The following TRANK1 variants were observed in gnomAD, a reference collection of about 807,000 sequenced individuals.
The protein encoded by TRANK1 is tetratricopeptide repeat and ankyrin repeat containing 1, also known as TPR and ankyrin repeat-containing protein 1.
Under a neutral mutation model 266.0 loss-of-function variants are expected in TRANK1, and 198 were observed. The observed-to-expected ratio is 0.74, with a 90% CI of 0.66 to 0.84. TRANK1 has a LOEUF of 0.84. Ranked by LOEUF, TRANK1 falls within the 40% of genes least tolerant of loss-of-function variation. The pLI is 0.00. For synonymous variants in TRANK1, 1,396 were observed against 1,384.1 expected (o/e 1.01, Z -0.19); for missense variants, 3,326 against 3,634.6 (o/e 0.92, Z 2.18).
intron 2 of TRANK1, among the ~76,000 whole-genome samples, chr3:36,907,415 G>A (rs914523440): frequency 6.6e-6 from 1 of 150,742 alleles, no homozygotes; most frequent in East Asian, 1.9e-4. Flanking sequence ...CTCCCAAAGT[G>A]CTGGGATTAC....
At chr3:36,913,925 G>A (rs1320184831) in intron 1 of TRANK1, among the ~76,000 whole-genome samples, 1 of 152,006 alleles carries the variant, frequency 6.6e-6, no homozygotes, top group Non-Finnish European at 1.5e-5. Context: ...TCAACTTTAA[G>A]TTATTCCTCA....
Position 36,892,353 on chromosome 3 carries a change from A to AC in TRANK1, c.637-14_637-13insG, listed in dbSNP as rs1203537750. ...TGAAAACGTATTTCTGGGGAAAAAA[A>AC]ACACACAGGACAAATTATGGAAGTC... On this transcript the variant is annotated splice_polypyrimidine_tract_variant and intron_variant, in intron 6 of 23. Coordinates refer to ENST00000645898, the MANE Select transcript of TRANK1 (RefSeq NM_001329998.2). 5.2e-6 allele frequency: 8 copies of AC among 1,537,022 alleles called. No homozygotes were observed. The highest frequency in any genetic ancestry group is 7.0e-6 in the Non-Finnish European group (8 of 1,146,850).
chr3:36,849,896 A>C, intron 15 of TRANK1: 1 of 434,416 alleles, frequency 2.3e-6, no homozygotes, highest in Non-Finnish European at 3.1e-6. Flanking sequence ...CACAGGATGA[A>C]GTGGATGTTT....
At chr3:36,916,282 T>C (rs1441784263) in intron 1 of TRANK1, among the ~76,000 whole-genome samples, 1 of 152,172 alleles carries the variant, frequency 6.6e-6, no homozygotes, top group African/African-American at 2.4e-5. Flanking sequence ...AAGATCCAAT[T>C]TGGCCTGGCA....
chr3:36,942,011 C>A (rs1431651742), intron 1 of TRANK1, among the ~76,000 whole-genome samples: 4 of 152,194 alleles, frequency 2.6e-5, no homozygotes, highest in Non-Finnish European at 5.9e-5. Flanking sequence ...CACACCTCAA[C>A]CTCCACTTCA....
intron 22 of TRANK1, among the ~76,000 whole-genome samples, chr3:36,830,384 C>T (rs1193108560): frequency 6.6e-6 from 1 of 151,888 alleles, no homozygotes. Flanking sequence ...AAGGCTCACA[C>T]TGGGTATGAC....
In TRANK1 at chr3:36,857,416, T is replaced by G; in HGVS notation, c.2306A>C (p.Lys769Thr). The G allele has an allele frequency of 6.2e-7, 1 of 1,613,862 alleles. No homozygotes were observed. Among genetic ancestry groups the G allele is most frequent in the Non-Finnish European group, 8.5e-7 (1 of 1,179,810 alleles). Residue 769 changes from lysine to threonine, a missense_variant, in exon 13 of 24, where the codon AAG becomes ACG. Physicochemically the swap from Lys to Thr is moderately conservative, Grantham distance 78. Transcript: ENST00000645898. The surrounding 1 kb of genome is among the most constrained non-coding windows in gnomAD (Gnocchi z 4.3). ...PLEAGAGKEGKKDDKPTLGAG... is the reference protein window; with the variant it reads ...PLEAGAGKEGTKDDKPTLGAG... ...ACCCAGAGTCGGCTTGTCATCTTTC[T>G]TTCCTTCTTTGCCAGCTCCTGCCTC...
At chr3:36,877,639 T>C (rs1054853776) in intron 8 of TRANK1, among the ~76,000 whole-genome samples, 21 of 152,310 alleles carry the variant, frequency 1.4e-4, no homozygotes, top group African/African-American at 3.8e-4. Context: ...AGATACATTG[T>C]TCAGTGAAGA....
At chr3:36,909,704 A>C (rs1468617500) in intron 1 of TRANK1, among the ~76,000 whole-genome samples, 1 of 152,256 alleles carries the variant, frequency 6.6e-6, no homozygotes, top group African/African-American at 2.4e-5. Context: ...AACAGACCCA[A>C]GCACACATAA....
chr3:36,879,681 A>AAT (rs1471932090), intron 8 of TRANK1, among the ~76,000 whole-genome samples: 6 of 94,282 alleles, frequency 6.4e-5, no homozygotes, highest in African/African-American at 9.3e-5. Context: ...TAAATATATA[A>AAT]ATATATAAAT....
intron 7 of TRANK1, 81 bp from the exon 8 acceptor site, chr3:36,890,041 T>G: frequency 6.7e-7 from 1 of 1,489,612 alleles, no homozygotes. Context: ...AGCAATAGAT[T>G]AAAAAGAAAG....
rs1432787273 is a variant in TRANK1, at chr3:36,852,194, T to C, written c.4701A>G (p.Leu1567=). 3 of 1,609,468 alleles carry C rather than the reference T, an allele frequency of 1.9e-6. No homozygotes were observed. In the South Asian group the frequency reaches 3.3e-5, roughly 18 times the overall value. ...SCSVSDLAIL[L]RGNKRKTQPI... is the part of the protein sequence containing the mutation. ...GCTGAGTTTTCCTTTTATTCCCTCG[T>C]AGCAAAATTGCCAAGTCGCTTACAC... The change falls in exon 14 of 24, where the codon CTA becomes CTG. Residue 1567 remains leucine (L), a synonymous_variant. Coordinates refer to ENST00000645898, the MANE Select transcript of TRANK1 (RefSeq NM_001329998.2).
At position 36,855,265 on chromosome 3, in the gene TRANK1, TG is replaced by T; in HGVS notation, c.4456del (p.His1486IlefsTer8). On this transcript the variant is annotated frameshift_variant, in exon 13 of 24. Transcript: ENST00000645898. LOFTEE classifies it high-confidence loss of function. ...FRFSDLRSLF[H>X]YASRNTIDKQ... is the part of the protein sequence containing the mutation. ...GTCTATGGTGTTTCTGCTGGCATAA[TG>T]GAACAGAGAGCGCAGATCGCTGAAG... 1 of 1,614,052 alleles carries T rather than the reference TG, an allele frequency of 6.2e-7. No homozygotes were observed. Among genetic ancestry groups the T allele is most frequent in the Non-Finnish European group, 8.5e-7 (1 of 1,179,892 alleles).
chr3:36,855,032 G>A (rs2079032631), intron 13 of TRANK1, 141 bp downstream of exon 13: 1 of 716,752 alleles, frequency 1.4e-6, no homozygotes, highest in African/African-American at 1.8e-5. Flanking sequence ...TCTTGTCCAT[G>A]AGCGTATTTA....
chr3:36,850,769 A>T lies in TRANK1; in HGVS notation c.4887+950T>A, dbSNP rs182088676. 6.1e-6 allele frequency: 6 copies of T among 985,424 alleles called. No individual in the cohort carries two copies. In the East Asian group the frequency reaches 5.7e-4, roughly 93 times the overall value. 61.0% of individuals were successfully genotyped at this position (985,424 alleles called of 1,614,324 possible). A position where few individuals can be genotyped will look rare whatever the true frequency, so the allele number is the denominator to read the frequency against. ...GTGCTATTAAGGCAAAATAACATTTAAAAAATGATAAGAAAAAAAGGAAGG... is the reference window on the plus strand; with the variant it reads ...GTGCTATTAAGGCAAAATAACATTTTAAAAATGATAAGAAAAAAAGGAAGG... On this transcript the variant is annotated intron_variant, in intron 15 of 23. Coordinates refer to ENST00000645898, the MANE Select transcript of TRANK1 (RefSeq NM_001329998.2).
chr3:36,871,495 T>C (rs1460626109), intron 9 of TRANK1, among the ~76,000 whole-genome samples: 1 of 152,200 alleles, frequency 6.6e-6, no homozygotes, highest in Non-Finnish European at 1.5e-5. Context: ...GTTTGGCTAC[T>C]TGGAGTTTCT....
chr3:36,857,155 T>C lies in TRANK1; in HGVS notation c.2567A>G (p.Lys856Arg). 5 of 1,614,022 alleles carry C rather than the reference T, an allele frequency of 3.1e-6. No homozygotes were observed. Among genetic ancestry groups the C allele is most frequent in the Non-Finnish European group, 4.2e-6 (5 of 1,179,898 alleles). ...CTGAATGGCAAGGATGATTTTCTTCTTGATGACCTTGGTCATTACCTTACT... is the reference window on the plus strand; with the variant it reads ...CTGAATGGCAAGGATGATTTTCTTCCTGATGACCTTGGTCATTACCTTACT... ...LSSKVMTKVIKKKIILAIQQL... is the reference protein window; with the variant it reads ...LSSKVMTKVIRKKIILAIQQL... Residue 856 changes from lysine to arginine, a missense_variant, in exon 13 of 24, where the codon AAG (lysine) becomes AGG (arginine). Lys to Arg is a conservative substitution (Grantham distance 26, BLOSUM62 2). Coordinates refer to ENST00000645898, the MANE Select transcript of TRANK1 (RefSeq NM_001329998.2). This position sits in a 1 kb window ranked among gnomAD's most constrained non-coding sequence, Gnocchi z 4.3.
At chr3:36,880,747 A>C (rs1225361518) in intron 8 of TRANK1, 1 of 150,870 alleles carries the variant, frequency 6.6e-6, no homozygotes, top group African/African-American at 2.4e-5. Context: ...TATTATTATT[A>C]TTATTATTAT....
chr3:36,828,906 T>C (rs1471817230), intron 23 of TRANK1, among the ~76,000 whole-genome samples: 1 of 152,186 alleles, frequency 6.6e-6, no homozygotes, highest in African/African-American at 2.4e-5. Context: ...TTTCCCCACC[T>C]CTGGGGTCTG....
Sources: allele counts gnomAD v4.1 joint callset (sites outside exome capture counted in the v4.1 genomes callset), GRCh38; gene constraint gnomAD v4.1.1; non-coding constraint Gnocchi (gnomAD v3.1); transcripts MANE v1.5; gene names NCBI Gene and HGNC (gene_info 2026-07-23, HGNC 2026-07-21).